ENPP2: variants seen among roughly 807,000 people sequenced by gnomAD.
ENPP2 encodes ectonucleotide pyrophosphatase/phosphodiesterase 2.
A neutral mutation model predicts 120.2 loss-of-function variants in ENPP2; 51 were observed. The observed-to-expected ratio is 0.42, with a 90% CI of 0.34 to 0.54. The LOEUF (loss-of-function observed/expected upper bound fraction) is 0.54, where lower values mean the gene tolerates loss of function less well. Among genes scored for constraint, ENPP2 ranks in the 20% least tolerant of loss-of-function variants. ENPP2 has a pLI of 0.04. For synonymous variants in ENPP2, 365 were observed against 366.4 expected (o/e 1.00, Z 0.04); for missense variants, 920 against 1,066.5 (o/e 0.86, Z 1.91).
intron 2 of ENPP2, among the ~76,000 whole-genome samples, chr8:119,633,728 T>C (rs998331577): frequency 6.6e-6 from 1 of 152,088 alleles, no homozygotes; most frequent in African/African-American, 2.4e-5. Context: ...TCAGTATCTT[T>C]GCTTCCTAAA....
intron 1 of ENPP2, among the ~76,000 whole-genome samples, chr8:119,671,029 G>A (rs1209240655): frequency 1.3e-5 from 2 of 151,334 alleles, no homozygotes; most frequent in Non-Finnish European, 2.9e-5. Context: ...GCTCACGCCT[G>A]TAATCCTAGC....
chr8:119,612,191 G>A (rs1191494893), intron 8 of ENPP2, among the ~76,000 whole-genome samples: 2 of 152,084 alleles, frequency 1.3e-5, no homozygotes, highest in African/African-American at 4.8e-5. Flanking sequence ...ATAAGAGGCT[G>A]GTAAGCAAAG....
At chr8:119,576,028 C>G (rs1451596800) in intron 19 of ENPP2, among the ~76,000 whole-genome samples, 1 of 152,156 alleles carries the variant, frequency 6.6e-6, no homozygotes, top group Admixed American at 6.5e-5. Flanking sequence ...AAAGAAATAA[C>G]ACAAATGAGA....
chr8:119,663,945 G>A (rs1373901580), intron 1 of ENPP2, among the ~76,000 whole-genome samples: 1 of 152,186 alleles, frequency 6.6e-6, no homozygotes, highest in East Asian at 1.9e-4. Flanking sequence ...GGATTTGTGG[G>A]TAGTCAAACT....
chr8:119,615,039 T>C (rs1815364206), intron 8 of ENPP2, among the ~76,000 whole-genome samples: 1 of 152,228 alleles, frequency 6.6e-6, no homozygotes. Context: ...AATATAAATA[T>C]TTTGATCACA....
chr8:119,592,753 C>T (rs1054195337), intron 12 of ENPP2, among the ~76,000 whole-genome samples: 19 of 151,086 alleles, frequency 1.3e-4, no homozygotes, highest in African/African-American at 4.4e-4. Flanking sequence ...TCCACTAAGC[C>T]GAATGCATGG....
intron 2 of ENPP2, 70 bp from the exon 3 acceptor site, chr8:119,626,790 G>T: frequency 7.1e-7 from 1 of 1,415,870 alleles, no homozygotes; most frequent in East Asian, 2.3e-5. Context: ...GTGGCACTGG[G>T]AAGCTGTGCG....
At chr8:119,617,375 A>G (rs1815531211) in intron 6 of ENPP2, 91 bp downstream of exon 6, 1 of 1,120,688 alleles carries the variant, frequency 8.9e-7, no homozygotes, top group East Asian at 2.5e-5. Context: ...ATTTAAAACT[A>G]CGTGCCCATA....
At chr8:119,566,187 T>G (rs1814420010) in intron 22 of ENPP2, among the ~76,000 whole-genome samples, 1 of 152,202 alleles carries the variant, frequency 6.6e-6, no homozygotes, top group South Asian at 2.1e-4. Context: ...TGCCTTATCC[T>G]CCTGCTTCTA....
chr8:119,672,515 C>A (rs539104296), intron 1 of ENPP2, among the ~76,000 whole-genome samples: 80 of 152,274 alleles, frequency 5.3e-4, no homozygotes, highest in African/African-American at 1.9e-3. Flanking sequence ...ACTGCCCCTG[C>A]GGACGCTCCC....
At chr8:119,637,222 T>C (rs1042534831) in intron 2 of ENPP2, among the ~76,000 whole-genome samples, 2 of 152,028 alleles carry the variant, frequency 1.3e-5, no homozygotes, top group Non-Finnish European at 2.9e-5. Flanking sequence ...TTGCTGCAAA[T>C]AAAAACAGCA....
intron 3 of ENPP2, among the ~76,000 whole-genome samples, chr8:119,625,894 G>A (rs1816239651): frequency 6.6e-6 from 1 of 152,168 alleles, no homozygotes; most frequent in Admixed American, 6.5e-5. Flanking sequence ...AAAGTGTGGA[G>A]GAAGATTTTA....
chr8:119,656,260 A>G (rs1284529886), intron 1 of ENPP2, among the ~76,000 whole-genome samples: 3 of 152,124 alleles, frequency 2.0e-5, no homozygotes, highest in Admixed American at 2.0e-4. Flanking sequence ...TTATTTTTGC[A>G]ATTAATCTCA....
intron 1 of ENPP2, among the ~76,000 whole-genome samples, chr8:119,648,582 C>G (rs775730109): frequency 1.3e-5 from 2 of 152,194 alleles, no homozygotes; most frequent in Non-Finnish European, 2.9e-5. Context: ...GAAGTTTACA[C>G]TTGCCGCTGC....
At chr8:119,654,329 T>C (rs1243962112) in intron 1 of ENPP2, among the ~76,000 whole-genome samples, 2 of 142,818 alleles carry the variant, frequency 1.4e-5, no homozygotes, top group African/African-American at 5.1e-5. Context: ...TATAATTATA[T>C]ATAGAGATAT....
rs61753744 is a variant in ENPP2, at chr8:119,593,783, C to T, written c.1050G>A (p.Arg350=). The T allele has an allele frequency of 9.5e-3, 15,317 of 1,612,280 alleles. 135 individuals are homozygous for T. The highest frequency in any genetic ancestry group is 0.035 in the Middle Eastern group (210 of 6,056). The change falls in exon 12 of 25, where the codon CGG becomes CGA. Residue 350 remains arginine (R), a synonymous_variant. Transcript: ENST00000075322. ...MDGLKQLKLH[R]CVNVIFVGDH... ...CTCCGACAAAGATGACGTTGACACA[C>T]CGATGCAGTTTTAGTTGTTTCAGTC...
At chr8:119,639,076 C>T (rs1234921022), upstream of ENPP2, among the ~76,000 whole-genome samples, 2 of 152,136 alleles carry the variant, frequency 1.3e-5, no homozygotes, top group Non-Finnish European at 2.9e-5. Context: ...TGTTACATTG[C>T]CGTGGCCCAT....
chr8:119,566,613 A>G (rs1814469024), intron 22 of ENPP2, among the ~76,000 whole-genome samples: 1 of 152,210 alleles, frequency 6.6e-6, no homozygotes. Context: ...GCCTGCAGAA[A>G]TGTGGCATGT....
chr8:119,645,895 G>T (rs960489971), intron 1 of ENPP2, among the ~76,000 whole-genome samples: 5 of 151,306 alleles, frequency 3.3e-5, no homozygotes, highest in Admixed American at 1.3e-4. Flanking sequence ...ATTTCATTAA[G>T]TTCTCTTTTA....
Sources: allele counts gnomAD v4.1 joint callset (sites outside exome capture counted in the v4.1 genomes callset), GRCh38; gene constraint gnomAD v4.1.1; transcripts MANE v1.5; gene names NCBI Gene and HGNC (gene_info 2026-07-23, HGNC 2026-07-21).